CSDE1: variants seen among roughly 807,000 people sequenced by gnomAD.
CSDE1 encodes cold shock domain-containing protein E1.
Under a neutral mutation model 89.3 loss-of-function variants are expected in CSDE1, and 17 were observed. That is an observed-to-expected ratio of 0.19 (90% CI 0.13 to 0.29). CSDE1 has a LOEUF of 0.29. CSDE1 is among the 10% of genes least tolerant of loss of function. CSDE1 has a pLI of 1.00. For synonymous variants in CSDE1, 322 were observed against 332.8 expected (o/e 0.97, Z 0.35); for missense variants, 672 against 984.2 (o/e 0.68, Z 4.24).
At chr1:114,743,898 G>A (rs192579354) in intron 2 of CSDE1, among the ~76,000 whole-genome samples, 1 of 152,326 alleles carries the variant, frequency 6.6e-6, no homozygotes, top group Admixed American at 6.5e-5. Context: ...TTTTTCCAAA[G>A]GGAAACACAC....
chr1:114,740,675 G>C (rs946134217), intron 2 of CSDE1, among the ~76,000 whole-genome samples: 1 of 152,096 alleles, frequency 6.6e-6, no homozygotes, highest in Non-Finnish European at 1.5e-5. Context: ...CAATATAATG[G>C]AATCTGCCTA....
chr1:114,741,401 GA>G, intron 2 of CSDE1: 12 of 893,988 alleles, frequency 1.3e-5, no homozygotes, highest in East Asian at 2.7e-5. Flanking sequence ...GAGTGAAGGT[GA>G]AAAAAATGAT....
chr1:114,750,992 C>G (rs1430457329), intron 1 of CSDE1, among the ~76,000 whole-genome samples: 9 of 152,174 alleles, frequency 5.9e-5, no homozygotes, highest in African/African-American at 2.2e-4. Flanking sequence ...CTGGCTAGAA[C>G]AGAGAGCTGG....
intron 2 of CSDE1, among the ~76,000 whole-genome samples, chr1:114,743,768 C>A (rs1053342632): frequency 6.6e-6 from 1 of 152,186 alleles, no homozygotes; most frequent in African/African-American, 2.4e-5. Context: ...TTCGAGTCTC[C>A]GTCTCATCCC....
In CSDE1 at chr1:114,727,132, G is replaced by A. The variant is rs758470481; in HGVS notation, c.1357-42C>T. 7.9e-6 allele frequency: 11 copies of A among 1,398,278 alleles called. No individual in the cohort carries two copies. In the South Asian group the frequency reaches 1.2e-4, roughly 15 times the overall value. The allele number at this position is 1,398,278 out of a possible 1,614,324, so 86.6% of individuals were successfully genotyped here. A position where few individuals can be genotyped will look rare whatever the true frequency, so the allele number is the denominator to read the frequency against. ...AAAAACAGAATGAAAACAATCTCAA[G>A]AACAAAAACCAATAAAAACAACTAT... is the stretch of plus-strand genomic sequence containing the variant. On this transcript the variant is annotated intron_variant, in intron 12 of 19. Coordinates refer to ENST00000358528, the MANE Select transcript of CSDE1 (RefSeq NM_001007553.3).
At chr1:114,736,708 G>T (rs1342738882) in intron 6 of CSDE1, 50 bp downstream of exon 6, 1 of 1,155,248 alleles carries the variant, frequency 8.7e-7, no homozygotes, top group South Asian at 1.4e-5. Context: ...TTAATGGAGG[G>T]GGGAAAAAAA....
At chr1:114,737,083 C>G (rs1238688594) in intron 5 of CSDE1, among the ~76,000 whole-genome samples, 1 of 152,122 alleles carries the variant, frequency 6.6e-6, no homozygotes, top group African/African-American at 2.4e-5. Context: ...AAAAAGCTTA[C>G]ACACGTGGAA....
At position 114,718,114 on chromosome 1, in the gene CSDE1, C is replaced by T. The variant is rs1388129426; in HGVS notation, c.*55G>A. ...AGAGGGAGATATTCAGAACCCTTCA[C>T]CAGATTCCCCCCAACTTGATCATAG... On this transcript the variant is annotated 3_prime_UTR_variant, in exon 20 of 20. Coordinates refer to ENST00000358528, the MANE Select transcript of CSDE1 (RefSeq NM_001007553.3). 14 of 1,588,986 alleles carry T rather than the reference C, an allele frequency of 8.8e-6. 1 individual carries two copies. In the East Asian group the frequency reaches 3.1e-4, roughly 36 times the overall value.
chr1:114,755,881 T>C (rs1295716350), intron 1 of CSDE1, among the ~76,000 whole-genome samples: 1 of 152,240 alleles, frequency 6.6e-6, no homozygotes, highest in African/African-American at 2.4e-5. Context: ...TTGTCGAAAG[T>C]ATGGCTCTCA....
rs1365884269 is a variant in CSDE1, at chr1:114,719,542, G to A, written c.2216+37C>T. 59 of 1,600,212 alleles carry A rather than the reference G, an allele frequency of 3.7e-5. No individual in the cohort carries two copies. In the Admixed American group the frequency reaches 1.0e-3, roughly 28 times the overall value. ...GAGACTATAAAGTTGAGACACTCCA[G>A]GGTAGTTACTAATCAAACCACAACA... On this transcript the variant is annotated intron_variant, in intron 18 of 19. Coordinates refer to ENST00000358528, the MANE Select transcript of CSDE1 (RefSeq NM_001007553.3).
chr1:114,743,255 G>A (rs1171393983), intron 2 of CSDE1, among the ~76,000 whole-genome samples: 3 of 152,060 alleles, frequency 2.0e-5, no homozygotes, highest in African/African-American at 7.3e-5. Flanking sequence ...GCAGTGGTAC[G>A]ATATTGGCTC....
intron 1 of CSDE1, among the ~76,000 whole-genome samples, chr1:114,751,918 T>A (rs1661330142): frequency 1.3e-5 from 2 of 152,182 alleles, no homozygotes; most frequent in Non-Finnish European, 2.9e-5. Flanking sequence ...TCCGCCAACT[T>A]CCAGTGTGCA....
intron 6 of CSDE1, among the ~76,000 whole-genome samples, chr1:114,736,209 C>T (rs1054546571): frequency 2.0e-5 from 3 of 152,106 alleles, no homozygotes; most frequent in African/African-American, 4.8e-5. Context: ...CCATATCAGG[C>T]GGTCATCTTT....
intron 16 of CSDE1, among the ~76,000 whole-genome samples, 198 bp downstream of exon 16, chr1:114,723,685 C>G (rs2007231): frequency 6.6e-6 from 1 of 152,090 alleles, no homozygotes; most frequent in Non-Finnish European, 1.5e-5. Context: ...AAAGCAGTCA[C>G]GTTTTCACTA....
intron 1 of CSDE1, among the ~76,000 whole-genome samples, chr1:114,753,539 C>A (rs1005585289): frequency 3.3e-5 from 5 of 152,192 alleles, no homozygotes; most frequent in African/African-American, 1.2e-4. Context: ...ATTGGTGCTA[C>A]TAACCACCTC....
intron 1 of CSDE1, among the ~76,000 whole-genome samples, chr1:114,757,097 G>C (rs778504020): frequency 6.6e-6 from 1 of 152,182 alleles, no homozygotes; most frequent in South Asian, 2.1e-4. Context: ...CTTTCAGGGC[G>C]CACGCCCATT....
At chr1:114,740,071 A>T (rs1248490745) in intron 2 of CSDE1, 181 bp from the exon 3 acceptor site, 5 of 525,422 alleles carry the variant, frequency 9.5e-6, no homozygotes, top group African/African-American at 1.9e-5. Context: ...CAGAGGAAAC[A>T]ACTTATTATA....
chr1:114,736,767 T>C lies in CSDE1; in HGVS notation c.491A>G (p.Asn164Ser). 6.2e-7 allele frequency: 1 copy of C among 1,607,838 alleles called. No homozygotes were observed. Among genetic ancestry groups the C allele is most frequent in the South Asian group, 1.1e-5 (1 of 90,336 alleles). ...AAAAAAAAGAACTTACTGTTTATTG[T>C]TATCAATTACAAAGTTTATTTTATC... ...TGDKINFVIDNNKHTGAVSAR... is the reference protein window; with the variant it reads ...TGDKINFVIDSNKHTGAVSAR... The change falls in exon 6 of 20, where the codon AAC (asparagine) becomes AGC (serine). Residue 164 changes from asparagine to serine, a missense_variant. By Grantham distance (46) the Asn-to-Ser change is conservative. Transcript: ENST00000358528.
At position 114,733,766 on chromosome 1, in the gene CSDE1, G is replaced by A. The variant is rs779453730; in HGVS notation, c.803C>T (p.Thr268Ile). 2 of 1,613,640 alleles carry A rather than the reference G, an allele frequency of 1.2e-6. No individual in the cohort carries two copies. Among genetic ancestry groups the A allele is most frequent in the African/African-American group, 1.3e-5 (1 of 74,832 alleles). ...ACTGGGTACTTTTGGGATAACTTTG[G>A]TTACAGTTCCTTCAAAATGTTCAAT... ...ISIEHFEGTVTKVIPKVPSKN... is the reference protein window; with the variant it reads ...ISIEHFEGTVIKVIPKVPSKN... Residue 268 changes from threonine (T) to isoleucine (I), a missense_variant, in exon 9 of 20, where the codon ACC becomes ATC. Coordinates refer to ENST00000358528, the MANE Select transcript of CSDE1 (RefSeq NM_001007553.3).
Sources: allele counts gnomAD v4.1 joint callset (sites outside exome capture counted in the v4.1 genomes callset), GRCh38; gene constraint gnomAD v4.1.1; transcripts MANE v1.5; gene names NCBI Gene and HGNC (gene_info 2026-07-23, HGNC 2026-07-21).